Variants in ACOXL observed in about 807,000 individuals in gnomAD.
ACOXL encodes acyl-CoA oxidase like.
A neutral mutation model predicts 71.9 loss-of-function variants in ACOXL; 70 were observed. That is an observed-to-expected ratio of 0.97 (90% CI 0.80 to 1.19). The LOEUF is 1.19. Among genes scored for constraint, ACOXL ranks in the 50% most tolerant of loss-of-function variants. ACOXL has a pLI of 0.00. For missense variants in ACOXL, 703 were observed against 736.3 expected (o/e 0.95, Z 0.52); for synonymous variants, 253 against 281.6 (o/e 0.90, Z 1.02).
chr2:111,000,846 A>G (rs2063591765), intron 14 of ACOXL, among the ~76,000 whole-genome samples: 1 of 152,172 alleles, frequency 6.6e-6, no homozygotes, highest in African/African-American at 2.4e-5. Context: ...CAAAGACCCT[A>G]TTTCCAAATA....
At chr2:110,770,840 A>G (rs1167621729) in intron 2 of ACOXL, among the ~76,000 whole-genome samples, 5 of 152,192 alleles carry the variant, frequency 3.3e-5, no homozygotes, top group African/African-American at 7.2e-5. Context: ...CTTAGTGTCA[A>G]TACTCAAGAC....
intron 10 of ACOXL, among the ~76,000 whole-genome samples, chr2:110,868,118 T>G (rs180793313): frequency 1.4e-4 from 22 of 152,324 alleles, no homozygotes; most frequent in African/African-American, 5.1e-4. Flanking sequence ...ACTTGTATAT[T>G]TTTTGCAGAC....
chr2:110,760,313 T>A (rs781286127), intron 1 of ACOXL, among the ~76,000 whole-genome samples: 4 of 151,994 alleles, frequency 2.6e-5, no homozygotes, highest in Non-Finnish European at 5.9e-5. Context: ...TGGCTAATTT[T>A]TTTTGCATTT....
intron 17 of ACOXL, among the ~76,000 whole-genome samples, chr2:111,108,679 AGC>A (rs1376291450): frequency 1.3e-5 from 2 of 152,184 alleles, no homozygotes; most frequent in Non-Finnish European, 2.9e-5. Context: ...GCCCGGCCGA[AGC>A]GCACAAATCT....
intron 10 of ACOXL, among the ~76,000 whole-genome samples, chr2:110,842,932 G>A (rs1215718118): frequency 6.6e-6 from 1 of 152,228 alleles, no homozygotes; most frequent in African/African-American, 2.4e-5. Context: ...AAAGTGTGGT[G>A]TCCTGCAGAC....
At chr2:110,974,908 T>A (rs2062375875) in intron 12 of ACOXL, among the ~76,000 whole-genome samples, 1 of 152,200 alleles carries the variant, frequency 6.6e-6, no homozygotes. Context: ...TTTTGTACTT[T>A]TTCCTTGCTT....
intron 6 of ACOXL, 70 bp downstream of exon 6, chr2:110,798,794 C>A: frequency 7.1e-7 from 1 of 1,410,742 alleles, no homozygotes; most frequent in Non-Finnish European, 1.0e-6. Flanking sequence ...AAAACCATTT[C>A]ACAGAGCTGC....
At chr2:111,028,228 C>G (rs544750579) in intron 14 of ACOXL, among the ~76,000 whole-genome samples, 2 of 151,962 alleles carry the variant, frequency 1.3e-5, no homozygotes, top group Admixed American at 6.6e-5. Context: ...TAAGATTTTT[C>G]TACATAGACA....
At chr2:111,031,314 G>C (rs958128850) in intron 14 of ACOXL, among the ~76,000 whole-genome samples, 1 of 152,220 alleles carries the variant, frequency 6.6e-6, no homozygotes, top group Non-Finnish European at 1.5e-5. Flanking sequence ...TCTTCAGGCA[G>C]TAAGTGACCC....
At chr2:110,954,570 T>C (rs1414993394) in intron 12 of ACOXL, among the ~76,000 whole-genome samples, 1 of 152,230 alleles carries the variant, frequency 6.6e-6, no homozygotes, top group Non-Finnish European at 1.5e-5. Context: ...AGCATTCTTT[T>C]CTCCCAATAA....
intron 16 of ACOXL, among the ~76,000 whole-genome samples, chr2:111,070,004 A>C (rs1239720927): frequency 1.3e-5 from 2 of 152,050 alleles, no homozygotes; most frequent in Non-Finnish European, 2.9e-5. Flanking sequence ...ATAGAAGAAG[A>C]AGCATGTCCG....
rs1021781909 is a variant in ACOXL, at chr2:110,763,725, G to T, written c.-22-4643G>T. Among the ~76,000 whole-genome samples the T allele has an allele frequency of 4.6e-5, 7 of 152,298 alleles. No homozygotes were observed. In the South Asian group the frequency reaches 1.0e-3, roughly 23 times the overall value. ...TTAAAAGGAAAACTTTCTGCTCTGTGAATGTCAAAAGGATGAAAAGGCAAG... is the reference window on the plus strand; with the variant it reads ...TTAAAAGGAAAACTTTCTGCTCTGTTAATGTCAAAAGGATGAAAAGGCAAG... On this transcript the variant is annotated intron_variant, in intron 1 of 17. Coordinates refer to ENST00000439055, the MANE Select transcript of ACOXL (RefSeq NM_001142807.4).
At chr2:111,082,067 C>G (rs2067953665) in intron 16 of ACOXL, among the ~76,000 whole-genome samples, 2 of 152,134 alleles carry the variant, frequency 1.3e-5, no homozygotes, top group African/African-American at 2.4e-5. Flanking sequence ...CATAAAAATC[C>G]TAGAAGACAA....
chr2:110,943,570 C>T (rs901462020), intron 12 of ACOXL, among the ~76,000 whole-genome samples: 6 of 152,150 alleles, frequency 3.9e-5, no homozygotes, highest in Non-Finnish European at 8.8e-5. Context: ...GAGCAGAAGT[C>T]ACTGGGTGAA....
At chr2:110,877,261 G>A (rs557261458) in intron 10 of ACOXL, among the ~76,000 whole-genome samples, 25 of 152,286 alleles carry the variant, frequency 1.6e-4, no homozygotes, top group African/African-American at 5.3e-4. Context: ...GCCACCCTCC[G>A]CCTCATGGAC....
chr2:110,978,565 ACACAGTCTGT>A (rs926638285), intron 12 of ACOXL, among the ~76,000 whole-genome samples: 13 of 152,138 alleles, frequency 8.5e-5, no homozygotes, highest in Admixed American at 2.6e-4. Flanking sequence ...ATGCTGCAAA[ACACAGTCTGT>A]CACATGTTAT....
rs139482166 is a variant in ACOXL at position 110,837,529 on chromosome 2, G to A, written c.754-3842G>A. On this transcript the variant is annotated intron_variant, in intron 9 of 17. Coordinates refer to ENST00000439055, the MANE Select transcript of ACOXL (RefSeq NM_001142807.4). ...CGTGGTGCTTTATAGGGCGTATCTG[G>A]CTACAGCTGGTGTACTTCTGGGTGT... Among the ~76,000 whole-genome samples the A allele has an allele frequency of 6.2e-3, 940 of 152,056 alleles. 8 individuals carry two copies. Among genetic ancestry groups the A allele is most frequent in the African/African-American group, 0.022 (908 of 41,444 alleles).
chr2:110,854,562 G>A (rs1179378772), intron 10 of ACOXL, among the ~76,000 whole-genome samples: 4 of 152,182 alleles, frequency 2.6e-5, no homozygotes, highest in Non-Finnish European at 5.9e-5. Context: ...AGTGCTGTTT[G>A]GAGAGTGTCA....
At chr2:110,798,576 A>T in intron 5 of ACOXL, 34 bp from the exon 6 acceptor site, 1 of 1,558,498 alleles carries the variant, frequency 6.4e-7, no homozygotes, top group South Asian at 1.1e-5. Context: ...AGCCATGGGA[A>T]GGGAAACACT....
Sources: gnomAD v4.1 joint callset for allele counts (sites outside exome capture counted in the v4.1 genomes callset) on GRCh38, gnomAD v4.1.1 for gene constraint, MANE v1.5 for transcripts, NCBI Gene and HGNC (gene_info 2026-07-23, HGNC 2026-07-21) for gene names.